SPHKAP: variants seen among roughly 807,000 people sequenced by gnomAD.
SPHKAP encodes the protein SPHK1 interactor, AKAP domain containing, also known as A-kinase anchor protein SPHKAP.
SPHKAP carries 67 observed loss-of-function variants against 137.5 expected under a neutral mutation model. The ratio of observed to expected loss-of-function variants is 0.49; its 90% CI spans 0.40 to 0.60. SPHKAP has a LOEUF of 0.60. Ranked by LOEUF, SPHKAP falls within the 20% of genes least tolerant of loss-of-function variation. The probability of loss-of-function intolerance (pLI) is 0.00; values close to 1 mark genes in which losing one functional copy is unlikely to be tolerated. For missense variants in SPHKAP, 2,097 were observed against 2,069.3 expected (o/e 1.01, Z -0.26); for synonymous variants, 813 against 785.3 (o/e 1.04, Z -0.59).
chr2:228,079,553 C>T (rs1377008199), intron 3 of SPHKAP, among the ~76,000 whole-genome samples: 1 of 152,208 alleles, frequency 6.6e-6, no homozygotes, highest in African/African-American at 2.4e-5. Context: ...CCAGGCCTTT[C>T]CCATCACTGG....
At chr2:228,164,347 A>G (rs1227605272) in intron 1 of SPHKAP, among the ~76,000 whole-genome samples, 1 of 152,080 alleles carries the variant, frequency 6.6e-6, no homozygotes, top group East Asian at 1.9e-4. Flanking sequence ...CAGATGTCCT[A>G]TTGTGGGCCT....
intron 3 of SPHKAP, among the ~76,000 whole-genome samples, chr2:228,037,826 A>C (rs1401793212): frequency 6.6e-6 from 1 of 152,242 alleles, no homozygotes; most frequent in Non-Finnish European, 1.5e-5. Flanking sequence ...GCACATTAAC[A>C]GCCCTGAAAC....
rs776419130 is a variant in SPHKAP at position 228,016,760 on chromosome 2, T to C, written c.4094A>G (p.Gln1365Arg). 6.2e-7 allele frequency: 1 copy of C among 1,614,124 alleles called. No homozygotes were observed. The highest frequency in any genetic ancestry group is 2.2e-5 in the East Asian group (1 of 44,858). Residue 1365 changes from glutamine (Q) to arginine (R), a missense_variant, in exon 7 of 12, where the codon CAG (glutamine) becomes CGG (arginine). Physicochemically the swap from Gln to Arg is conservative, Grantham distance 43. Transcript: ENST00000392056. The part of the protein sequence containing the change: ...RMCSGPTLLV[Q>R]ESLDCPRKDS... ...TTTCCTCGGGCAATCGAGAGACTCC[T>C]GAACAAGCAGAGTTGGCCCACTGCA...
chr2:228,009,777 T>C (rs1694296562), intron 7 of SPHKAP, among the ~76,000 whole-genome samples: 1 of 151,994 alleles, frequency 6.6e-6, no homozygotes, highest in Non-Finnish European at 1.5e-5. Flanking sequence ...GCCTTTATTT[T>C]TAGGGCTAGT....
intron 2 of SPHKAP, among the ~76,000 whole-genome samples, chr2:228,115,499 T>C (rs1698680214): frequency 6.6e-6 from 1 of 152,184 alleles, no homozygotes; most frequent in African/African-American, 2.4e-5. Context: ...TCTTACAGTC[T>C]GCTCTCCAAA....
intron 2 of SPHKAP, among the ~76,000 whole-genome samples, chr2:228,119,234 G>T (rs1698827356): frequency 6.6e-6 from 1 of 152,064 alleles, no homozygotes; most frequent in Admixed American, 6.6e-5. Flanking sequence ...GAGTGGTGGA[G>T]GAAGTGATGG....
rs565635091 is a variant in SPHKAP, at chr2:228,010,721, G to A, written c.4448+5685C>T. 9.9e-5 allele frequency among the ~76,000 whole-genome samples: 15 copies of A among 151,864 alleles called. No homozygotes were observed. The East Asian group carries it at 1.2e-3, about 12-fold the overall frequency. ...GGTTTTTAATTTCATTATACTTTTC[G>A]TCTTTGTGGTAGTATTTTATTGATT... On this transcript the variant is annotated intron_variant, in intron 7 of 11. Coordinates refer to ENST00000392056, the MANE Select transcript of SPHKAP (RefSeq NM_001142644.2).
At chr2:228,043,389 C>T (rs772858555) in intron 3 of SPHKAP, among the ~76,000 whole-genome samples, 8 of 152,314 alleles carry the variant, frequency 5.3e-5, no homozygotes, top group Middle Eastern at 3.4e-3. Flanking sequence ...TGCAGTGGCA[C>T]GATCTCGGCT....
At chr2:228,125,388 C>T (rs1053395519) in intron 2 of SPHKAP, among the ~76,000 whole-genome samples, 1 of 152,190 alleles carries the variant, frequency 6.6e-6, no homozygotes, top group East Asian at 1.9e-4. Context: ...ATAAAGATTT[C>T]CCTTGTCTAA....
chr2:228,145,817 G>C (rs1291915547), intron 1 of SPHKAP, among the ~76,000 whole-genome samples: 1 of 152,126 alleles, frequency 6.6e-6, no homozygotes, highest in African/African-American at 2.4e-5. Flanking sequence ...AAGACTGAAA[G>C]AATGTACCTA....
intron 1 of SPHKAP, among the ~76,000 whole-genome samples, chr2:228,139,772 T>C (rs983258966): frequency 1.3e-5 from 2 of 152,158 alleles, no homozygotes; most frequent in Admixed American, 6.6e-5. Flanking sequence ...ATAAAAACAT[T>C]ATTTTAATGT....
chr2:228,156,084 G>T (rs143173850), intron 1 of SPHKAP, among the ~76,000 whole-genome samples: 1,613 of 152,236 alleles, frequency 0.011, 23 homozygotes, highest in African/African-American at 0.037. Flanking sequence ...AAGAGAAAAA[G>T]ACTCTTATTT....
chr2:228,053,077 T>G (rs1696314192), intron 3 of SPHKAP, among the ~76,000 whole-genome samples: 1 of 152,182 alleles, frequency 6.6e-6, no homozygotes, highest in Non-Finnish European at 1.5e-5. Context: ...GCCTGCTGAC[T>G]TGATTCCTGC....
chr2:228,113,821 T>C (rs1404574712), intron 2 of SPHKAP, among the ~76,000 whole-genome samples: 3 of 151,976 alleles, frequency 2.0e-5, no homozygotes, highest in Non-Finnish European at 2.9e-5. Context: ...CCCTTCCTCT[T>C]TTGCTCCTCC....
chr2:228,003,822 T>C (rs1694007307), intron 7 of SPHKAP, among the ~76,000 whole-genome samples: 1 of 152,252 alleles, frequency 6.6e-6, no homozygotes, highest in African/African-American at 2.4e-5. Context: ...GAGATAATCA[T>C]GTGGTTTTTG....
intron 3 of SPHKAP, among the ~76,000 whole-genome samples, chr2:228,095,055 T>C (rs1030217811): frequency 6.6e-6 from 1 of 152,024 alleles, no homozygotes; most frequent in African/African-American, 2.4e-5. Context: ...AGATGAAGGG[T>C]GAGGGAGAAA....
Position 228,025,567 on chromosome 2 carries a change from T to C in SPHKAP, c.307-39A>G, listed in dbSNP as rs778697145. ...ATCTTTATTAGTTTAGCTGATTTCT[T>C]TTCACCAAATACTACTCACAAACTA... is the stretch of plus-strand genomic sequence containing the variant. On this transcript the variant is annotated intron_variant, in intron 4 of 11. Transcript: ENST00000392056. 6.8e-6 allele frequency: 11 copies of C among 1,609,546 alleles called. No individual in the cohort carries two copies. In the African/African-American group the frequency reaches 9.4e-5, roughly 14 times the overall value.
At chr2:228,067,631 T>A (rs2106296402) in intron 3 of SPHKAP, among the ~76,000 whole-genome samples, 1 of 152,318 alleles carries the variant, frequency 6.6e-6, no homozygotes, top group Non-Finnish European at 1.5e-5. Context: ...CTTATGCATG[T>A]CTCTGTTTTC....
intron 8 of SPHKAP, chr2:227,993,929 G>A (rs1195180147): frequency 1.2e-5 from 6 of 495,940 alleles, no homozygotes; most frequent in African/African-American, 4.2e-5. Context: ...CAATCAGTCT[G>A]CCTCTTTTCT....
Sources: allele counts gnomAD v4.1 joint callset (sites outside exome capture counted in the v4.1 genomes callset), GRCh38; gene constraint gnomAD v4.1.1; transcripts MANE v1.5; gene names NCBI Gene and HGNC (gene_info 2026-07-23, HGNC 2026-07-21).